Variants in EPHA6 observed in about 807,000 individuals in gnomAD.
EPHA6 encodes EPH receptor A6, also known as ephrin type-A receptor 6.
EPHA6 carries 50 observed loss-of-function variants against 112.0 expected under a neutral mutation model. The observed-to-expected ratio is 0.45, with a 90% confidence interval of 0.36 to 0.56. The LOEUF is 0.56. EPHA6 is among the 20% of genes least tolerant of loss of function. EPHA6 has a pLI of 0.00. For synonymous variants in EPHA6, 529 were observed against 490.7 expected (o/e 1.08, Z -1.03); for missense variants, 1,280 against 1,417.4 (o/e 0.90, Z 1.56).
At chr3:97,160,115 A>G (rs2076377926) in intron 3 of EPHA6, among the ~76,000 whole-genome samples, 2 of 152,212 alleles carry the variant, frequency 1.3e-5, no homozygotes, top group Admixed American at 6.5e-5. Context: ...CCATCCTGCC[A>G]TCGTGGTCGC....
intron 2 of EPHA6, among the ~76,000 whole-genome samples, chr3:96,948,127 G>A (rs2041365480): frequency 6.6e-6 from 1 of 152,156 alleles, no homozygotes; most frequent in Non-Finnish European, 1.5e-5. Context: ...TTTTAAATAA[G>A]TATGAAGGCA....
chr3:97,614,862 G>A (rs189081477), intron 13 of EPHA6, among the ~76,000 whole-genome samples: 426 of 152,140 alleles, frequency 2.8e-3, no homozygotes, highest in Non-Finnish European at 4.7e-3. Context: ...ATACAGAGGA[G>A]GAACAGGATG....
At chr3:97,078,922 T>C (rs2046626786) in intron 3 of EPHA6, among the ~76,000 whole-genome samples, 1 of 152,106 alleles carries the variant, frequency 6.6e-6, no homozygotes, top group African/African-American at 2.4e-5. Context: ...ACTTAGTTGA[T>C]ATAGCAGCAG....
chr3:97,199,002 G>A (rs776489188), intron 3 of EPHA6, among the ~76,000 whole-genome samples: 1 of 152,070 alleles, frequency 6.6e-6, no homozygotes, highest in Non-Finnish European at 1.5e-5. Context: ...TTTGAAATTA[G>A]TTTGGTTAAT....
intron 4 of EPHA6, among the ~76,000 whole-genome samples, chr3:97,239,743 A>T (rs976774613): frequency 3.3e-5 from 5 of 151,734 alleles, no homozygotes; most frequent in African/African-American, 9.7e-5. Context: ...GAAAAAGTGG[A>T]GGAGGTGAAA....
intron 5 of EPHA6, among the ~76,000 whole-genome samples, chr3:97,250,911 G>A (rs2079118323): frequency 6.6e-6 from 1 of 151,548 alleles, no homozygotes; most frequent in African/African-American, 2.4e-5. Context: ...TTTGTCCCCA[G>A]GGTGGAGTGC....
rs528248392 is a variant in EPHA6 at position 97,049,900 on chromosome 3, C to T, written c.1114+61907C>T. ...TTGGCTCAAATACCTTCCATTAGGC[C>T]CACCACCAGCATTGGGGATCAAATT... On this transcript the variant is annotated intron_variant, in intron 3 of 17. Transcript: ENST00000389672. Among the ~76,000 whole-genome samples the T allele has an allele frequency of 1.6e-4, 24 of 152,186 alleles. No homozygotes were observed. In the South Asian group the frequency reaches 5.0e-3, roughly 32 times the overall value.
At chr3:96,841,656 GC>G (rs2034755647) in intron 1 of EPHA6, among the ~76,000 whole-genome samples, 1 of 152,030 alleles carries the variant, frequency 6.6e-6, no homozygotes, top group Non-Finnish European at 1.5e-5. Context: ...CTACCTGTCA[GC>G]CCATAACGGA....
chr3:97,316,213 C>T (rs10511161), intron 5 of EPHA6, among the ~76,000 whole-genome samples: 5,051 of 151,812 alleles, frequency 0.033, 319 homozygotes, highest in African/African-American at 0.11. Context: ...TTCACTTAAA[C>T]CAAAACAGAC....
At chr3:97,559,948 C>A (rs965074327) in intron 11 of EPHA6, among the ~76,000 whole-genome samples, 2 of 151,612 alleles carry the variant, frequency 1.3e-5, no homozygotes, top group African/African-American at 4.8e-5. Flanking sequence ...TGTAAGAAAA[C>A]CCCTTTAAAA....
intron 1 of EPHA6, among the ~76,000 whole-genome samples, chr3:96,847,068 A>G (rs918025290): frequency 6.6e-5 from 10 of 152,064 alleles, no homozygotes; most frequent in African/African-American, 2.4e-4. Context: ...CCATCAGAAA[A>G]TGCTAACTGG....
At chr3:97,729,749 C>T (rs1487245054) in intron 15 of EPHA6, among the ~76,000 whole-genome samples, 1 of 151,348 alleles carries the variant, frequency 6.6e-6, no homozygotes, top group Non-Finnish European at 1.5e-5. Flanking sequence ...TTATATTGCA[C>T]ACCAGGAAAA....
chr3:97,081,998 A>G (rs2108201442), intron 3 of EPHA6, among the ~76,000 whole-genome samples: 1 of 151,840 alleles, frequency 6.6e-6, no homozygotes, highest in East Asian at 1.9e-4. Context: ...CAATTATAAA[A>G]TAAGCATATA....
At chr3:97,233,583 C>T (rs938612864) in intron 4 of EPHA6, among the ~76,000 whole-genome samples, 1 of 152,098 alleles carries the variant, frequency 6.6e-6, no homozygotes, top group Admixed American at 6.6e-5. Flanking sequence ...TATTGTATTT[C>T]TATGAATTTG....
chr3:97,585,482 A>G (rs1433420600), intron 11 of EPHA6, among the ~76,000 whole-genome samples: 1 of 152,200 alleles, frequency 6.6e-6, no homozygotes, highest in African/African-American at 2.4e-5. Flanking sequence ...TTGTAAAAGC[A>G]CTAAAGAAAT....
chr3:97,073,747 A>G (rs1283489922), intron 3 of EPHA6, among the ~76,000 whole-genome samples: 2 of 152,046 alleles, frequency 1.3e-5, no homozygotes, highest in Non-Finnish European at 2.9e-5. Context: ...CTATGCATCT[A>G]TAAGTATATA....
Position 97,583,504 on chromosome 3 carries a change from A to G in EPHA6, c.2387-9108A>G, listed in dbSNP as rs369199656. On this transcript the variant is annotated intron_variant, in intron 11 of 17. Transcript: ENST00000389672. ...CAGTGAGCTGAGATCGTGCCACTGC[A>G]CTCCAGCCTGGGTGACAGAGCAAGA... Among the ~76,000 whole-genome samples the G allele has an allele frequency of 9.2e-4, 139 of 151,702 alleles. 1 individual carries two copies. The highest frequency in any genetic ancestry group is 3.2e-3 in the African/African-American group (133 of 41,322).
chr3:97,512,671 C>T (rs1364214385), intron 10 of EPHA6, among the ~76,000 whole-genome samples: 1 of 152,142 alleles, frequency 6.6e-6, no homozygotes, highest in Admixed American at 6.5e-5. Flanking sequence ...TCAAGCGAGT[C>T]TCCTGTCTCA....
chr3:97,631,163 G>A (rs74454588), intron 13 of EPHA6, among the ~76,000 whole-genome samples: 1,828 of 152,160 alleles, frequency 0.012, 35 homozygotes, highest in African/African-American at 0.042. Flanking sequence ...TAAGTGGAAA[G>A]AGGCAGATAA....
Sources: gnomAD v4.1 joint callset for allele counts (sites outside exome capture counted in the v4.1 genomes callset) on GRCh38, gnomAD v4.1.1 for gene constraint, MANE v1.5 for transcripts, NCBI Gene and HGNC (gene_info 2026-07-23, HGNC 2026-07-21) for gene names.